CALCR: variants seen among roughly 807,000 people sequenced by gnomAD.
CALCR encodes the protein calcitonin receptor.
Under a neutral mutation model 59.5 loss-of-function variants are expected in CALCR, and 47 were observed. The observed-to-expected ratio is 0.79, with a 90% CI of 0.63 to 1.01. CALCR has a LOEUF of 1.01. Ranked by LOEUF, CALCR falls within the 50% of genes least tolerant of loss-of-function variation. The probability of loss-of-function intolerance (pLI) is 0.00; values close to 1 mark genes in which losing one functional copy is unlikely to be tolerated. For missense variants in CALCR, 566 were observed against 597.1 expected (o/e 0.95, Z 0.54); for synonymous variants, 213 against 211.3 (o/e 1.01, Z -0.07).
rs565641655 is a variant in CALCR, at chr7:93,565,418, C to T, written c.-27+8871G>A. ...TCCACATTGCTACTCTTCAAATATG[C>T]CCAGATATTAATATTTTAGTAGCTG... is the stretch of plus-strand genomic sequence containing the variant. On this transcript the variant is annotated intron_variant, in intron 2 of 13. Coordinates refer to ENST00000426151, the MANE Select transcript of CALCR (RefSeq NM_001742.4). Among the ~76,000 whole-genome samples, 510 of 152,242 alleles carry T rather than the reference C, an allele frequency of 3.3e-3. 1 individual carries two copies. The highest frequency in any genetic ancestry group is 4.1e-3 in the Non-Finnish European group (281 of 68,012).
chr7:93,543,816 T>G (rs1789209993), intron 2 of CALCR, among the ~76,000 whole-genome samples: 1 of 152,182 alleles, frequency 6.6e-6, no homozygotes, highest in Non-Finnish European at 1.5e-5. Flanking sequence ...GTCTATCAAA[T>G]TGTTAAAGCT....
At chr7:93,572,882 A>G (rs1203734300) in intron 2 of CALCR, among the ~76,000 whole-genome samples, 1 of 152,200 alleles carries the variant, frequency 6.6e-6, no homozygotes, top group Non-Finnish European at 1.5e-5. Context: ...GATGTAGCCA[A>G]TGAATAAACT....
rs1800740111 is a variant in CALCR at position 93,479,342 on chromosome 7, C to A, written c.205+12G>T. 1 of 1,601,476 alleles carries A rather than the reference C, an allele frequency of 6.2e-7. No homozygotes were observed. The highest frequency in any genetic ancestry group is 1.3e-5 in the African/African-American group (1 of 74,264). On this transcript the variant is annotated intron_variant, in intron 4 of 13. Transcript: ENST00000426151. The stretch of plus-strand genomic sequence containing the variant: ...GTTTCAAACATATGTTCATATATAT[C>A]CTTCTCTTTACCTTCTCCTTGGTAT...
At chr7:93,527,155 T>C (rs1788676660) in intron 2 of CALCR, among the ~76,000 whole-genome samples, 1 of 151,924 alleles carries the variant, frequency 6.6e-6, no homozygotes, top group Non-Finnish European at 1.5e-5. Flanking sequence ...ACATATCTTC[T>C]TTTTTCTCTC....
chr7:93,467,843 T>C (rs1407989629), intron 7 of CALCR, among the ~76,000 whole-genome samples: 1 of 151,616 alleles, frequency 6.6e-6, no homozygotes, highest in African/African-American at 2.4e-5. Flanking sequence ...ATATTTCACT[T>C]ATTATGTGTC....
intron 12 of CALCR, 127 bp from the exon 13 acceptor site, chr7:93,434,421 T>C (rs916634756): frequency 1.5e-6 from 1 of 646,528 alleles, no homozygotes; most frequent in Non-Finnish European, 2.8e-6. Context: ...AAGAATTATC[T>C]ACCATTCATA....
intron 2 of CALCR, among the ~76,000 whole-genome samples, chr7:93,517,732 T>A (rs1801679108): frequency 6.6e-6 from 1 of 151,962 alleles, no homozygotes; most frequent in African/African-American, 2.4e-5. Context: ...CTCATTGACC[T>A]CTTAGGATTT....
chr7:93,520,672 G>T (rs1801743538), intron 2 of CALCR, among the ~76,000 whole-genome samples: 1 of 152,060 alleles, frequency 6.6e-6, no homozygotes, highest in Non-Finnish European at 1.5e-5. Context: ...ATTTACCTTG[G>T]AGACAGCTAA....
intron 8 of CALCR, among the ~76,000 whole-genome samples, chr7:93,455,011 T>C (rs1800182489): frequency 6.6e-6 from 1 of 151,234 alleles, no homozygotes. Flanking sequence ...AGAAATAGTG[T>C]GACAACATTT....
At chr7:93,454,752 T>A (rs1381699257) in intron 8 of CALCR, among the ~76,000 whole-genome samples, 1 of 149,770 alleles carries the variant, frequency 6.7e-6, no homozygotes, top group Non-Finnish European at 1.5e-5. Context: ...TATTTTGAGT[T>A]TAACTTTTTT....
intron 2 of CALCR, among the ~76,000 whole-genome samples, chr7:93,569,493 G>A (rs768648664): frequency 2.4e-4 from 36 of 152,084 alleles, no homozygotes; most frequent in Non-Finnish European, 5.9e-5. Context: ...TCATTTCAAT[G>A]CTGAATCATA....
chr7:93,496,384 A>G (rs1801204032), intron 2 of CALCR, among the ~76,000 whole-genome samples: 1 of 151,496 alleles, frequency 6.6e-6, no homozygotes, highest in South Asian at 2.1e-4. Flanking sequence ...TGTGATAACA[A>G]TTAATAACCC....
chr7:93,457,835 A>C (rs1000661315), intron 8 of CALCR, among the ~76,000 whole-genome samples: 1 of 152,134 alleles, frequency 6.6e-6, no homozygotes, highest in Non-Finnish European at 1.5e-5. Flanking sequence ...CTTTAAGAAC[A>C]CATCTTTCTA....
chr7:93,538,705 G>A (rs1320155581), intron 2 of CALCR, among the ~76,000 whole-genome samples: 1 of 152,026 alleles, frequency 6.6e-6, no homozygotes, highest in Non-Finnish European at 1.5e-5. Flanking sequence ...TAGACAGATA[G>A]GTGTACATGC....
intron 2 of CALCR, among the ~76,000 whole-genome samples, chr7:93,497,856 G>A (rs1320013153): frequency 2.6e-5 from 4 of 151,354 alleles, no homozygotes; most frequent in Non-Finnish European, 5.9e-5. Context: ...TATTATCACT[G>A]CCTAGAAGTT....
intron 2 of CALCR, among the ~76,000 whole-genome samples, chr7:93,542,230 C>T (rs1301674621): frequency 3.9e-5 from 6 of 152,090 alleles, no homozygotes; most frequent in African/African-American, 1.2e-4. Flanking sequence ...TACTACACAC[C>T]TTGGTTGGAT....
intron 2 of CALCR, among the ~76,000 whole-genome samples, chr7:93,537,004 C>T (rs759728772): frequency 6.6e-6 from 1 of 151,270 alleles, no homozygotes; most frequent in Non-Finnish European, 1.5e-5. Context: ...ACATAAATAT[C>T]AAAAATTATA....
At chr7:93,494,304 G>A (rs1801150169) in intron 2 of CALCR, among the ~76,000 whole-genome samples, 1 of 151,374 alleles carries the variant, frequency 6.6e-6, no homozygotes. Context: ...GAGCATTGGA[G>A]GCAATGGGAG....
chr7:93,479,222 T>G, intron 4 of CALCR, 132 bp downstream of exon 4: 1 of 899,104 alleles, frequency 1.1e-6, no homozygotes, highest in Non-Finnish European at 1.7e-6. Flanking sequence ...TACACAAACA[T>G]ACCATAGTGT....
Sources: allele counts gnomAD v4.1 joint callset (sites outside exome capture counted in the v4.1 genomes callset), GRCh38; gene constraint gnomAD v4.1.1; transcripts MANE v1.5; gene names NCBI Gene and HGNC (gene_info 2026-07-23, HGNC 2026-07-21).